Variants in HBS1L observed in about 807,000 individuals in gnomAD.
The protein encoded by HBS1L is HBS1 like translational GTPase.
A neutral mutation model predicts 88.9 loss-of-function variants in HBS1L; 55 were observed. The ratio of observed to expected loss-of-function variants is 0.62; its 90% CI spans 0.50 to 0.77. The LOEUF (loss-of-function observed/expected upper bound fraction) is 0.77, where lower values mean the gene tolerates loss of function less well. HBS1L is among the 30% of genes least tolerant of loss of function. HBS1L has a pLI of 0.00. For missense variants in HBS1L, 741 were observed against 829.3 expected, an observed-to-expected ratio of 0.89 and a Z score of 1.31; for synonymous variants, 267 against 288.5, an observed-to-expected ratio of 0.93 and a Z score of 0.76.
At chr6:135,002,954 C>A in intron 4 of HBS1L, 112 bp from the exon 5 acceptor site, 1 of 603,104 alleles carries the variant, frequency 1.7e-6, no homozygotes, top group Non-Finnish European at 2.9e-6. Flanking sequence ...GAATTAATGT[C>A]TTTATAAACA....
In HBS1L at chr6:134,965,288, T is replaced by A. The variant is rs757762224; in HGVS notation, c.2046A>T (p.Ile682=). 1 of 1,563,332 alleles carries A rather than the reference T, an allele frequency of 6.4e-7. No individual in the cohort carries two copies. The highest frequency in any genetic ancestry group is 2.3e-5 in the East Asian group (1 of 44,320). The change falls in exon 18 of 18, where the codon ATA becomes ATT. Residue 682 remains isoleucine (I), a splice_region_variant and synonymous_variant. Transcript: ENST00000367837. ...STIAAGVVTE[I]KE ...TAGAAATTCTGACCCATCATTCTTT[T>A]ATCTGTTAAAACAAAAAAAAAAAAG...
chr6:135,009,960 A>C (rs1476469533), intron 4 of HBS1L, among the ~76,000 whole-genome samples: 1 of 152,062 alleles, frequency 6.6e-6, no homozygotes, highest in Non-Finnish European at 1.5e-5. Flanking sequence ...AATTAGTAAA[A>C]CTGTTTAGAA....
At chr6:135,024,860 T>G (rs1190636581) in intron 4 of HBS1L, among the ~76,000 whole-genome samples, 1 of 152,080 alleles carries the variant, frequency 6.6e-6, no homozygotes, top group Non-Finnish European at 1.5e-5. Context: ...ATAAATATAT[T>G]AAAATACTAA....
chr6:135,016,332 A>G (rs150192164), intron 4 of HBS1L, among the ~76,000 whole-genome samples: 21 of 152,332 alleles, frequency 1.4e-4, no homozygotes, highest in African/African-American at 4.1e-4. Flanking sequence ...TGCATTTCAG[A>G]ATGTCCTAAT....
intron 4 of HBS1L, among the ~76,000 whole-genome samples, chr6:135,006,910 G>GA (rs997488527): frequency 7.3e-5 from 11 of 149,790 alleles, no homozygotes; most frequent in African/African-American, 2.5e-4. Flanking sequence ...AAAAGAAGAG[G>GA]AAAAAAAAAC....
chr6:135,053,632 A>G (rs1040987954), intron 1 of HBS1L, among the ~76,000 whole-genome samples: 1 of 152,218 alleles, frequency 6.6e-6, no homozygotes, highest in Admixed American at 6.5e-5. Flanking sequence ...AATGGAGAAC[A>G]GGGTGTTAGC....
rs150647184 is a variant in HBS1L at position 135,004,864 on chromosome 6, T to C, written c.431-2022A>G. On this transcript the variant is annotated intron_variant, in intron 4 of 17. Coordinates refer to ENST00000367837, the MANE Select transcript of HBS1L (RefSeq NM_006620.4). The stretch of plus-strand genomic sequence containing the variant: ...CATAATTGGTAATTGAAGACATAGA[T>C]ACAGGCGAGACCACCAAGGGAGAGA... Among the ~76,000 whole-genome samples the C allele has an allele frequency of 3.7e-4, 56 of 152,152 alleles. 1 individual carries two copies. Among genetic ancestry groups the C allele is most frequent in the Middle Eastern group, 6.8e-3 (2 of 294 alleles).
At chr6:134,992,521 A>G (rs571474649) in intron 8 of HBS1L, among the ~76,000 whole-genome samples, 3 of 152,270 alleles carry the variant, frequency 2.0e-5, no homozygotes, top group Non-Finnish European at 4.4e-5. Context: ...TGTACTTACT[A>G]TTTTTCACTT....
chr6:134,983,082 C>A (rs987172600), intron 12 of HBS1L: 2 of 152,382 alleles, frequency 1.3e-5, no homozygotes, highest in African/African-American at 2.4e-5. Context: ...AAGGAAGACA[C>A]TGCTGCCCCA....
At position 135,047,467 on chromosome 6, in the gene HBS1L, G is replaced by T. The variant is rs1776947826; in HGVS notation, c.109+3115C>A. On this transcript the variant is annotated intron_variant, in intron 2 of 17. Coordinates refer to ENST00000367837, the MANE Select transcript of HBS1L (RefSeq NM_006620.4). ...TACCAACTCTTGCCCTAAACAAATG[G>T]TTCTCAATGCATACCACGAGCATAC... is the stretch of plus-strand genomic sequence containing the variant. Among the ~76,000 whole-genome samples the T allele has an allele frequency of 2.0e-5, 3 of 151,996 alleles. No homozygotes were observed. The South Asian group carries it at 6.2e-4, about 32-fold the overall frequency.
chr6:134,981,997 C>T (rs1339047265), intron 13 of HBS1L, among the ~76,000 whole-genome samples: 1 of 151,860 alleles, frequency 6.6e-6, no homozygotes, highest in African/African-American at 2.4e-5. Flanking sequence ...ATAAAATATA[C>T]CTACATTTTT....
intron 16 of HBS1L, among the ~76,000 whole-genome samples, chr6:134,966,899 C>A (rs1774331403): frequency 6.6e-6 from 1 of 152,084 alleles, no homozygotes; most frequent in African/African-American, 2.4e-5. Context: ...TATGTCTTTC[C>A]TAGTAAAACT....
intron 6 of HBS1L, 148 bp downstream of exon 6, chr6:134,997,249 C>A (rs1460991982): frequency 1.1e-6 from 1 of 887,712 alleles, no homozygotes; most frequent in East Asian, 2.6e-5. Context: ...TATCTCTCCC[C>A]ACATGACTAG....
intron 2 of HBS1L, among the ~76,000 whole-genome samples, chr6:135,044,797 G>A (rs1776859157): frequency 6.6e-6 from 1 of 152,102 alleles, no homozygotes; most frequent in Non-Finnish European, 1.5e-5. Context: ...TGAACTAGGA[G>A]GGAGAAACCT....
intron 4 of HBS1L, among the ~76,000 whole-genome samples, chr6:135,019,842 G>A (rs543955310): frequency 6.6e-6 from 1 of 151,914 alleles, no homozygotes; most frequent in African/African-American, 2.4e-5. Context: ...TAACTCCATA[G>A]TAACAAATAT....
In HBS1L at chr6:134,982,515, T is replaced by A; in HGVS notation, c.1540A>T (p.Ile514Phe). The A allele has an allele frequency of 1.9e-6, 3 of 1,611,888 alleles. No homozygotes were observed. Among genetic ancestry groups the A allele is most frequent in the Non-Finnish European group, 2.5e-6 (3 of 1,178,486 alleles). ...GCCAGTAGTCGGTCACCAGTTTGGA[T>A]ATAACCAGCTTCTATTTTACCAGTT... ...CITGKIEAGY[I>F]QTGDRLLAMP... The change falls in exon 13 of 18, where the codon ATC becomes TTC. Residue 514 changes from isoleucine to phenylalanine, a missense_variant. By Grantham distance (21) the Ile-to-Phe change is conservative (BLOSUM62 0). Transcript: ENST00000367837.
chr6:135,027,474 G>T (rs902521386), intron 4 of HBS1L, among the ~76,000 whole-genome samples: 10 of 151,890 alleles, frequency 6.6e-5, no homozygotes, highest in African/African-American at 2.4e-4. Context: ...TTAAAATTGT[G>T]GATTATCCAG....
chr6:134,966,893 T>C (rs969912410), intron 16 of HBS1L, among the ~76,000 whole-genome samples: 3 of 147,446 alleles, frequency 2.0e-5, no homozygotes, highest in Non-Finnish European at 4.4e-5. Context: ...ATGCCCTATG[T>C]CTTTCCTAGT....
At position 134,966,450 on chromosome 6, in the gene HBS1L, G is replaced by A. The variant is rs752805302; in HGVS notation, c.1922C>T (p.Ala641Val). The A allele has an allele frequency of 1.2e-6, 2 of 1,604,266 alleles. No individual in the cohort carries two copies. The highest frequency in any genetic ancestry group is 2.3e-5 in the South Asian group (2 of 88,678). ...TCTTTGTGTCTGTAGCTCTACCAATGCATTCTGGCCTTTAGTCAAAAACCT... is the reference window on the plus strand; with the variant it reads ...TCTTTGTGTCTGTAGCTCTACCAATACATTCTGGCCTTTAGTCAAAAACCT... ...KPKFLTKGQN[A>V]LVELQTQRPI... Residue 641 changes from alanine to valine, a missense_variant, in exon 17 of 18, where the codon GCA becomes GTA. By Grantham distance (64) the Ala-to-Val change is moderately conservative. Around this residue, in one of 3 missense-constraint regions of HBS1L, gnomAD observed 181 missense variants for 212.7 expected, o/e 0.85. Transcript: ENST00000367837.
Sources: gnomAD v4.1 joint callset for allele counts (sites outside exome capture counted in the v4.1 genomes callset) on GRCh38, gnomAD v4.1.1 for gene constraint, gnomAD v4.1.1 regional missense constraint, MANE v1.5 for transcripts, NCBI Gene and HGNC (gene_info 2026-07-23, HGNC 2026-07-21) for gene names.